The following CTNNB1 variants were observed in gnomAD, a reference collection of about 807,000 sequenced individuals.
The protein encoded by CTNNB1 is catenin beta 1.
A neutral mutation model predicts 82.5 loss-of-function variants in CTNNB1; 6 were observed. The ratio of observed to expected loss-of-function variants is 0.07; its 90% CI spans 0.04 to 0.14. The LOEUF (loss-of-function observed/expected upper bound fraction) is 0.14, where lower values mean the gene tolerates loss of function less well. Ranked by LOEUF, CTNNB1 falls within the 10% of genes least tolerant of loss-of-function variation. The pLI is 1.00. For synonymous variants in CTNNB1, 312 were observed against 329.7 expected, an observed-to-expected ratio of 0.95 and a Z score of 0.58; for missense variants, 529 against 980.4, an observed-to-expected ratio of 0.54 and a Z score of 6.15.
intron 7 of CTNNB1, among the ~76,000 whole-genome samples, chr3:41,227,850 C>A (rs912723791): frequency 6.6e-6 from 1 of 152,046 alleles, no homozygotes; most frequent in Non-Finnish European, 1.5e-5. Flanking sequence ...GTATTGTACC[C>A]AATAGGTAGT....
intron 6 of CTNNB1, among the ~76,000 whole-genome samples, 172 bp from the exon 7 acceptor site, chr3:41,227,036 T>G (rs2078191385): frequency 6.6e-6 from 1 of 152,034 alleles, no homozygotes; most frequent in Non-Finnish European, 1.5e-5. Flanking sequence ...AAAGGACAAG[T>G]TGGATAGGGC....
chr3:41,239,654 A>G lies in CTNNB1; in HGVS notation c.*312A>G. On this transcript the variant is annotated 3_prime_UTR_variant, in exon 15 of 15. Transcript: ENST00000349496. ...CATTAATAGCAGCCTTTCTCTCTTT[A>G]TACAGCTGTATTGTCTGAACTTGCA... The G allele has an allele frequency of 2.2e-6, 1 of 459,398 alleles. No homozygotes were observed. Among genetic ancestry groups the G allele is most frequent in the Non-Finnish European group, 4.0e-6 (1 of 247,598 alleles). 28.5% of individuals were successfully genotyped at this position (459,398 alleles called of 1,614,324 possible).
intron 1 of CTNNB1, among the ~76,000 whole-genome samples, chr3:41,218,046 T>A (rs765677577): frequency 5.3e-5 from 8 of 152,190 alleles, no homozygotes; most frequent in Non-Finnish European, 1.2e-4. Flanking sequence ...GTTCATCGAT[T>A]GGGCATGGTT....
intron 1 of CTNNB1, chr3:41,221,162 T>C (rs2078041445): frequency 1.3e-5 from 2 of 152,162 alleles, no homozygotes; most frequent in Non-Finnish European, 2.9e-5. Flanking sequence ...AGCATTCTAA[T>C]GTAGTCTGTA....
chr3:41,238,787 G>GT (rs1346368084), intron 14 of CTNNB1, among the ~76,000 whole-genome samples: 2 of 152,120 alleles, frequency 1.3e-5, no homozygotes, highest in East Asian at 3.9e-4. Context: ...CACTGCCTAG[G>GT]TGGTCACACA....
chr3:41,210,052 G>T (rs767322437), intron 1 of CTNNB1, among the ~76,000 whole-genome samples: 1 of 152,090 alleles, frequency 6.6e-6, no homozygotes. Context: ...GTAATAACAC[G>T]TAGCTTAAAA....
intron 10 of CTNNB1, chr3:41,235,249 G>GA: frequency 4.8e-6 from 1 of 206,834 alleles, no homozygotes; most frequent in Non-Finnish European, 9.9e-6. Context: ...CAGCTGAATA[G>GA]TCTTGGAAGA....
In CTNNB1 at chr3:41,234,065, T is replaced by G; in HGVS notation, c.1525-74T>G. ...TACTTTTAGTTGATACCAATAGATTTAGTGTGGTGGGAATTTTAGGGTAAG... is the reference window on the plus strand; with the variant it reads ...TACTTTTAGTTGATACCAATAGATTGAGTGTGGTGGGAATTTTAGGGTAAG... On this transcript the variant is annotated intron_variant, in intron 9 of 14. Coordinates refer to ENST00000349496, the MANE Select transcript of CTNNB1 (RefSeq NM_001904.4). 4 of 1,587,574 alleles carry G rather than the reference T, an allele frequency of 2.5e-6. No individual in the cohort carries two copies. In the South Asian group the frequency reaches 3.3e-5, roughly 13 times the overall value.
chr3:41,220,374 ACACACACACCCAC>A (rs2078017008), intron 1 of CTNNB1, among the ~76,000 whole-genome samples: 1 of 151,518 alleles, frequency 6.6e-6, no homozygotes, highest in Non-Finnish European at 1.5e-5. Context: ...CACCTTGAGA[ACACACACACCCAC>A]ACCCACACCC....
At chr3:41,224,896 C>G (rs2078139012) in intron 3 of CTNNB1, 58 bp from the exon 4 acceptor site, 1 of 1,612,856 alleles carries the variant, frequency 6.2e-7, no homozygotes, top group African/African-American at 1.3e-5. Flanking sequence ...TTTAGGATAG[C>G]AAATACTTAG....
At chr3:41,230,846 GGAA>G (rs1413056876) in intron 7 of CTNNB1, among the ~76,000 whole-genome samples, 1 of 152,154 alleles carries the variant, frequency 6.6e-6, no homozygotes, top group Non-Finnish European at 1.5e-5. Flanking sequence ...GGGCCACATT[GGAA>G]GAAGAATAAT....
intron 1 of CTNNB1, among the ~76,000 whole-genome samples, chr3:41,207,523 C>T (rs1187187812): frequency 6.6e-6 from 1 of 152,176 alleles, no homozygotes; most frequent in Non-Finnish European, 1.5e-5. Flanking sequence ...CATCAGATTT[C>T]ATCAATGGTC....
At chr3:41,203,309 T>G (rs2077577409) in intron 1 of CTNNB1, among the ~76,000 whole-genome samples, 1 of 152,090 alleles carries the variant, frequency 6.6e-6, no homozygotes, top group African/African-American at 2.4e-5. Context: ...TCTAAAATAA[T>G]TAATATCATT....
Position 41,234,313 on chromosome 3 carries a change from C to A in CTNNB1, c.1683+16C>A, listed in dbSNP as rs759545403. ...GCAATTTGTGGTAGGTAAATTCTTA[C>A]AGTGATACCTGGCTATCTAAAAGGA... is the stretch of plus-strand genomic sequence containing the variant. On this transcript the variant is annotated intron_variant, in intron 10 of 14. Coordinates refer to ENST00000349496, the MANE Select transcript of CTNNB1 (RefSeq NM_001904.4). 1.9e-6 allele frequency: 3 copies of A among 1,613,766 alleles called. No homozygotes were observed. Among genetic ancestry groups the A allele is most frequent in the Non-Finnish European group, 2.5e-6 (3 of 1,179,680 alleles).
intron 1 of CTNNB1, among the ~76,000 whole-genome samples, chr3:41,210,402 C>T (rs531054062): frequency 5.3e-4 from 81 of 152,118 alleles, no homozygotes; most frequent in African/African-American, 1.8e-3. Context: ...TGCAGTGAGC[C>T]GAGATAGCGC....
chr3:41,226,524 G>A (rs2078179749), intron 6 of CTNNB1, among the ~76,000 whole-genome samples: 1 of 152,156 alleles, frequency 6.6e-6, no homozygotes, highest in Non-Finnish European at 1.5e-5. Context: ...TCTTTGAAAC[G>A]AAGGAAGGAG....
At chr3:41,223,372 A>T (rs1297186011) in intron 1 of CTNNB1, among the ~76,000 whole-genome samples, 1 of 152,168 alleles carries the variant, frequency 6.6e-6, no homozygotes. Flanking sequence ...CCATATTGGT[A>T]ATATTTGTAT....
At chr3:41,200,884 C>G (rs773294329) in intron 1 of CTNNB1, among the ~76,000 whole-genome samples, 2 of 152,290 alleles carry the variant, frequency 1.3e-5, no homozygotes, top group African/African-American at 4.8e-5. Context: ...GTCTTCCCCC[C>G]ACCCCTCGAG....
chr3:41,225,985 C>T lies in CTNNB1; in HGVS notation c.936+124C>T. The T allele has an allele frequency of 1.2e-6, 1 of 834,804 alleles. No homozygotes were observed. The highest frequency in any genetic ancestry group is 2.0e-6 in the Non-Finnish European group (1 of 505,134). The allele number at this position is 834,804 out of a possible 1,614,324, so 51.7% of individuals were successfully genotyped here. On this transcript the variant is annotated intron_variant, in intron 6 of 14. Coordinates refer to ENST00000349496, the MANE Select transcript of CTNNB1 (RefSeq NM_001904.4). This position sits in a 1 kb window ranked among gnomAD's most constrained non-coding sequence, Gnocchi z 5.3. The stretch of plus-strand genomic sequence containing the variant: ...CCAGTTTCGTGGAAAACAGTTTTTC[C>T]ATGAATGGGTTGTGGGAATGGTTTC...
Sources: allele counts gnomAD v4.1 joint callset (sites outside exome capture counted in the v4.1 genomes callset), GRCh38; gene constraint gnomAD v4.1.1; non-coding constraint Gnocchi (gnomAD v3.1); transcripts MANE v1.5; gene names NCBI Gene and HGNC (gene_info 2026-07-23, HGNC 2026-07-21).